The following LRP2 variants were observed in gnomAD, a reference collection of about 807,000 sequenced individuals.
LRP2 encodes low-density lipoprotein receptor-related protein 2.
LRP2 carries 172 observed loss-of-function variants against 531.0 expected under a neutral mutation model. The ratio of observed to expected loss-of-function variants is 0.32; its 90% CI spans 0.29 to 0.37. The LOEUF (loss-of-function observed/expected upper bound fraction) is 0.37, where lower values mean the gene tolerates loss of function less well. LRP2 is among the 10% of genes least tolerant of loss of function. The pLI, the probability that LRP2 is intolerant of heterozygous loss-of-function variation, is 1.00. For synonymous variants in LRP2, 1,992 were observed against 2,027.6 expected (o/e 0.98, Z 0.47); for missense variants, 5,167 against 5,868.3 (o/e 0.88, Z 3.90).
rs1686628695 is a variant in LRP2, at chr2:169,162,557, C to T, written c.11802G>A (p.Lys3934=). The T allele has an allele frequency of 6.2e-7, 1 of 1,614,182 alleles. No individual in the cohort carries two copies. Among genetic ancestry groups the T allele is most frequent in the Admixed American group, 1.7e-5 (1 of 60,016 alleles). Residue 3934 remains lysine (K), a synonymous_variant, in exon 63 of 79, where the codon AAG becomes AAA. Transcript: ENST00000649046. ...TPKPCTEYEY[K]CGNGHCIPHD... ...GTGGAATGCAATGCCCATTGCCACA[C>T]TTATATTCATATTCTGTACAAGGTT...
chr2:169,307,185 G>A (rs980934328), intron 4 of LRP2, 96 bp downstream of exon 4: 4 of 837,812 alleles, frequency 4.8e-6, no homozygotes, highest in East Asian at 2.4e-5. Context: ...GCATATTGTA[G>A]GCATTTATGT....
intron 35 of LRP2, among the ~76,000 whole-genome samples, chr2:169,214,891 A>G (rs1688722601): frequency 2.0e-5 from 3 of 152,194 alleles, no homozygotes; most frequent in South Asian, 4.1e-4. Flanking sequence ...GGCAGAAAAG[A>G]TCTGGGCATG....
At chr2:169,331,188 C>T (rs1040124494) in intron 1 of LRP2, among the ~76,000 whole-genome samples, 3 of 152,210 alleles carry the variant, frequency 2.0e-5, no homozygotes, top group African/African-American at 7.2e-5. Flanking sequence ...GAAAAACAGT[C>T]ATAAGCACCT....
At chr2:169,281,983 A>G (rs886678635) in intron 10 of LRP2, among the ~76,000 whole-genome samples, 1 of 152,138 alleles carries the variant, frequency 6.6e-6, no homozygotes, top group Non-Finnish European at 1.5e-5. Context: ...AACCATGCAG[A>G]GGGGAATAGT....
rs140359923 is a variant in LRP2 at position 169,244,913 on chromosome 2, C to T, written c.3210G>A (p.Ser1070=). 12 of 1,613,950 alleles carry T rather than the reference C, an allele frequency of 7.4e-6. No individual in the cohort carries two copies. Among genetic ancestry groups the T allele is most frequent in the Non-Finnish European group, 1.0e-5 (12 of 1,180,022 alleles). Residue 1070 remains serine (S), a synonymous_variant, in exon 22 of 79, where the codon TCG becomes TCA. Transcript: ENST00000649046. ...ACTCCCCATGGCCACAGGTGAACGCCGAAGATGAACAGGTATTATCTACAA... is the reference window on the plus strand; with the variant it reads ...ACTCCCCATGGCCACAGGTGAACGCTGAAGATGAACAGGTATTATCTACAA... ...CGTLNNTCSS[S]AFTCGHGECI... is the part of the protein sequence containing the mutation.
intron 34 of LRP2, among the ~76,000 whole-genome samples, chr2:169,219,519 C>A (rs1278455513): frequency 6.6e-6 from 1 of 152,172 alleles, no homozygotes; most frequent in Non-Finnish European, 1.5e-5. Context: ...CCACATCAAT[C>A]CTGACCAATT....
chr2:169,283,970 T>G (rs2105456169), intron 9 of LRP2, among the ~76,000 whole-genome samples: 1 of 152,296 alleles, frequency 6.6e-6, no homozygotes, highest in South Asian at 2.1e-4. Flanking sequence ...ACGTCCACTC[T>G]CCATCATCCT....
intron 67 of LRP2, 136 bp downstream of exon 67, chr2:169,152,663 C>T (rs1574075744): frequency 1.0e-6 from 1 of 954,282 alleles, no homozygotes; most frequent in Non-Finnish European, 1.7e-6. Context: ...TCAGCAAGCC[C>T]AACCACTGCC....
intron 76 of LRP2, among the ~76,000 whole-genome samples, 195 bp from the exon 77 acceptor site, chr2:169,132,876 C>A (rs1177043298): frequency 6.6e-6 from 1 of 152,164 alleles, no homozygotes; most frequent in Non-Finnish European, 1.5e-5. Context: ...TCAAGAGCAG[C>A]AACCACTAAG....
At chr2:169,241,944 G>A (rs1304194676) in intron 24 of LRP2, among the ~76,000 whole-genome samples, 2 of 152,058 alleles carry the variant, frequency 1.3e-5, no homozygotes, top group Non-Finnish European at 2.9e-5. Flanking sequence ...ATTTGACAAG[G>A]GTAAACCAAA....
chr2:169,328,436 C>T (rs1807413), intron 1 of LRP2, among the ~76,000 whole-genome samples: 2 of 89,162 alleles, frequency 2.2e-5, no homozygotes, highest in Non-Finnish European at 4.1e-5. Flanking sequence ...GAGAACGGGC[C>T]GGGATAAAAA....
intron 16 of LRP2, among the ~76,000 whole-genome samples, chr2:169,266,708 C>A (rs1683195057): frequency 6.6e-6 from 1 of 151,948 alleles, no homozygotes; most frequent in Non-Finnish European, 1.5e-5. Context: ...CAAACCAAAC[C>A]CTTGGCATTT....
intron 3 of LRP2, among the ~76,000 whole-genome samples, chr2:169,315,027 C>T (rs571698037): frequency 3.4e-4 from 51 of 152,224 alleles, no homozygotes; most frequent in African/African-American, 1.1e-3. Context: ...ACGTCAAGCC[C>T]AAATAATTCT....
At chr2:169,135,516 C>T (rs1685469906) in intron 76 of LRP2, among the ~76,000 whole-genome samples, 1 of 152,096 alleles carries the variant, frequency 6.6e-6, no homozygotes, top group Admixed American at 6.5e-5. Flanking sequence ...CTTGTCAAGT[C>T]ACCCAAGCAG....
intron 68 of LRP2, among the ~76,000 whole-genome samples, chr2:169,148,514 G>T (rs1455346777): frequency 6.6e-6 from 1 of 152,122 alleles, no homozygotes; most frequent in Non-Finnish European, 1.5e-5. Context: ...GCATGGTGGT[G>T]TGCAAGTAGA....
At chr2:169,216,571 A>G (rs1688803571) in intron 34 of LRP2, 141 bp from the exon 35 acceptor site, 4 of 786,982 alleles carry the variant, frequency 5.1e-6, no homozygotes. Context: ...CTCGTTGCAT[A>G]CAACGTGGAG....
intron 3 of LRP2, among the ~76,000 whole-genome samples, chr2:169,310,454 A>G (rs1051147710): frequency 6.6e-6 from 1 of 152,180 alleles, no homozygotes; most frequent in African/African-American, 2.4e-5. Context: ...GTCTATTGAG[A>G]TAATCATGTG....
chr2:169,198,799 G>T lies in LRP2; in HGVS notation c.8565C>A (p.Asn2855Lys). 1 of 1,613,770 alleles carries T rather than the reference G, an allele frequency of 6.2e-7. No individual in the cohort carries two copies. Among genetic ancestry groups the T allele is most frequent in the Non-Finnish European group, 8.5e-7 (1 of 1,179,804 alleles). ...DNDCGDNSDENPTYCTTHTCS... is the reference protein window; with the variant it reads ...DNDCGDNSDEKPTYCTTHTCS... Reference sequence around the variant, plus strand: ...TATCTTACTCACTGCAATAAGTAGGGTTTTCATCACTGTTATCTCCACAGT... The same window carrying T: ...TATCTTACTCACTGCAATAAGTAGGTTTTTCATCACTGTTATCTCCACAGT... Residue 2855 changes from asparagine to lysine, a missense_variant, in exon 45 of 79, where the codon AAC becomes AAA. By Grantham distance (94) the Asn-to-Lys change is moderately conservative. Transcript: ENST00000649046.
intron 76 of LRP2, among the ~76,000 whole-genome samples, chr2:169,135,948 C>T (rs953032965): frequency 7.9e-5 from 12 of 152,148 alleles, no homozygotes; most frequent in African/African-American, 2.9e-4. Flanking sequence ...TCTCGTGGTG[C>T]TATCCCCAAA....
Sources: allele counts gnomAD v4.1 joint callset (sites outside exome capture counted in the v4.1 genomes callset), GRCh38; gene constraint gnomAD v4.1.1; transcripts MANE v1.5; gene names NCBI Gene and HGNC (gene_info 2026-07-23, HGNC 2026-07-21).